FARS2: variants seen among roughly 807,000 people sequenced by gnomAD.
FARS2 encodes phenylalanyl-tRNA synthetase 2, mitochondrial.
Under a neutral mutation model 46.4 loss-of-function variants are expected in FARS2, and 40 were observed. That is an observed-to-expected ratio of 0.86 (90% CI 0.67 to 1.12). The LOEUF (loss-of-function observed/expected upper bound fraction) is 1.12, where lower values mean the gene tolerates loss of function less well. Ranked by LOEUF, FARS2 falls within the 50% of genes most tolerant of loss-of-function variation. The pLI, the probability that FARS2 is intolerant of heterozygous loss-of-function variation, is 0.00. For synonymous variants in FARS2, 234 were observed against 214.9 expected (o/e 1.09, Z -0.78); for missense variants, 513 against 567.9 (o/e 0.90, Z 0.98).
chr6:5,447,555 G>C (rs896203579), intron 4 of FARS2, among the ~76,000 whole-genome samples: 1 of 152,172 alleles, frequency 6.6e-6, no homozygotes, highest in African/African-American at 2.4e-5. Context: ...ATCCAGGGAA[G>C]TGGAAACTGT....
At chr6:5,354,090 C>T (rs1187729017) in intron 1 of FARS2, among the ~76,000 whole-genome samples, 1 of 151,990 alleles carries the variant, frequency 6.6e-6, no homozygotes, top group Non-Finnish European at 1.5e-5. Flanking sequence ...TCCATGTCAT[C>T]CTCTGGAGCA....
intron 4 of FARS2, among the ~76,000 whole-genome samples, chr6:5,521,688 G>A (rs1017525732): frequency 2.0e-5 from 3 of 152,206 alleles, no homozygotes; most frequent in Non-Finnish European, 2.9e-5. Context: ...ATGATTGTCA[G>A]TCTTAATTAT....
intron 5 of FARS2, among the ~76,000 whole-genome samples, chr6:5,604,813 G>T (rs542607187): frequency 1.3e-5 from 2 of 152,136 alleles, no homozygotes; most frequent in Non-Finnish European, 2.9e-5. Flanking sequence ...CGTCTCAGCT[G>T]TCTGTATTTG....
chr6:5,610,049 G>C, intron 5 of FARS2: 1 of 927,416 alleles, frequency 1.1e-6, no homozygotes, highest in Non-Finnish European at 1.8e-6. Context: ...AGCAATTGGT[G>C]TTTGGGTCTC....
At chr6:5,318,347 A>G (rs1035887626) in intron 1 of FARS2, among the ~76,000 whole-genome samples, 17 of 146,528 alleles carry the variant, frequency 1.2e-4, no homozygotes, top group Non-Finnish European at 2.4e-4. Flanking sequence ...CGACAGAGTG[A>G]GACTCCGTCT....
intron 6 of FARS2, among the ~76,000 whole-genome samples, chr6:5,619,607 T>G (rs1775659030): frequency 6.6e-6 from 1 of 152,174 alleles, no homozygotes; most frequent in South Asian, 2.1e-4. Context: ...GATCTATCAC[T>G]TGCCATTTTT....
intron 1 of FARS2, among the ~76,000 whole-genome samples, chr6:5,316,017 C>T (rs564985896): frequency 1.3e-5 from 2 of 152,294 alleles, no homozygotes; most frequent in South Asian, 2.1e-4. Flanking sequence ...AGAGGTATGC[C>T]GATGCTGATC....
At chr6:5,292,369 A>T (rs371550789) in intron 1 of FARS2, among the ~76,000 whole-genome samples, 1 of 152,220 alleles carries the variant, frequency 6.6e-6, no homozygotes, top group South Asian at 2.1e-4. Context: ...GTGGCAGAGA[A>T]CTACGTTTGT....
chr6:5,699,546 C>T (rs1050590121), intron 6 of FARS2, among the ~76,000 whole-genome samples: 15 of 150,514 alleles, frequency 1.0e-4, no homozygotes, highest in Admixed American at 4.0e-4. Context: ...CTCACTCTGT[C>T]GTCCAGGCTG....
chr6:5,436,668 G>A (rs1763537988), intron 4 of FARS2, among the ~76,000 whole-genome samples: 1 of 152,200 alleles, frequency 6.6e-6, no homozygotes, highest in Non-Finnish European at 1.5e-5. Context: ...ACTTCATAAA[G>A]GAGATGGTCT....
intron 1 of FARS2, among the ~76,000 whole-genome samples, chr6:5,303,251 C>CA (rs1768452367): frequency 6.6e-6 from 1 of 152,138 alleles, no homozygotes; most frequent in African/African-American, 2.4e-5. Flanking sequence ...AGAACTTGAG[C>CA]ATTGACACTA....
intron 1 of FARS2, among the ~76,000 whole-genome samples, chr6:5,303,588 C>T (rs1194724932): frequency 2.0e-5 from 3 of 151,970 alleles, no homozygotes; most frequent in Non-Finnish European, 4.4e-5. Flanking sequence ...AATGTGTTTG[C>T]GGCCACGCTG....
chr6:5,629,533 T>C (rs1435813310), intron 6 of FARS2, among the ~76,000 whole-genome samples: 1 of 151,726 alleles, frequency 6.6e-6, no homozygotes, highest in African/African-American at 2.4e-5. Flanking sequence ...GATGGGAGAG[T>C]TGGGAAAACG....
rs147652337 is a variant in FARS2, at chr6:5,481,559, G to A, written c.904+50387G>A. Among the ~76,000 whole-genome samples the A allele has an allele frequency of 6.4e-4, 98 of 152,270 alleles. 2 individuals carry two copies. The East Asian group carries it at 0.014, about 22-fold the overall frequency. On this transcript the variant is annotated intron_variant, in intron 4 of 6. Transcript: ENST00000274680. ...TTGTTACAAGTAGTCTAGAATCTGT[G>A]CCCATTAAGTTGACTCTTTGAAAGA...
rs1760396574 is a variant in FARS2, at chr6:5,728,282, G to T, written c.1218-43009G>T. On this transcript the variant is annotated intron_variant, in intron 6 of 6. Transcript: ENST00000274680. ...TAATAGCTGGGAATGGGCTGGTTTG[G>T]CTTGCTAATGTGCTTAGAAGGGTCT... 1.4e-4 allele frequency among the ~76,000 whole-genome samples: 21 copies of T among 152,122 alleles called. 1 individual carries two copies. In the East Asian group the frequency reaches 3.8e-3, roughly 27 times the overall value.
intron 6 of FARS2, among the ~76,000 whole-genome samples, chr6:5,743,164 G>T (rs1761449006): frequency 1.3e-5 from 2 of 152,116 alleles, no homozygotes; most frequent in African/African-American, 4.8e-5. Context: ...AACCTTTAAG[G>T]ATGCCAATAT....
At chr6:5,555,323 G>T (rs1771595153) in intron 5 of FARS2, among the ~76,000 whole-genome samples, 1 of 152,062 alleles carries the variant, frequency 6.6e-6, no homozygotes, top group African/African-American at 2.4e-5. Context: ...CATGAAAACG[G>T]ACTAATACAG....
chr6:5,631,469 T>C (rs966620688), intron 6 of FARS2, among the ~76,000 whole-genome samples: 6 of 152,308 alleles, frequency 3.9e-5, no homozygotes, highest in African/African-American at 1.4e-4. Context: ...AAAAACAAAA[T>C]TCAAGGTCCC....
intron 6 of FARS2, among the ~76,000 whole-genome samples, chr6:5,645,556 C>T (rs1285538418): frequency 6.6e-6 from 1 of 152,162 alleles, no homozygotes; most frequent in Non-Finnish European, 1.5e-5. Flanking sequence ...TGTTCAGGGC[C>T]ACGTAGCCAT....
Sources: gnomAD v4.1 joint callset for allele counts (sites outside exome capture counted in the v4.1 genomes callset) on GRCh38, gnomAD v4.1.1 for gene constraint, MANE v1.5 for transcripts, NCBI Gene and HGNC (gene_info 2026-07-23, HGNC 2026-07-21) for gene names.